Variants in TRMT11 observed in about 807,000 individuals in gnomAD.
The protein encoded by TRMT11 is tRNA (guanine(10)-N(2))-methyltransferase TRMT11.
A neutral mutation model predicts 62.8 loss-of-function variants in TRMT11; 53 were observed. The ratio of observed to expected loss-of-function variants is 0.84; its 90% CI spans 0.68 to 1.06. TRMT11 has a LOEUF of 1.06. TRMT11 is among the 50% of genes least tolerant of loss of function. TRMT11 has a pLI of 0.00. For synonymous variants in TRMT11, 188 were observed against 190.3 expected, an observed-to-expected ratio of 0.99 and a Z score of 0.10; for missense variants, 556 against 553.4, an observed-to-expected ratio of 1.00 and a Z score of -0.05.
chr6:126,258,998 G>A, the TRMT11 span, among the ~76,000 whole-genome samples: 1 of 151,782 alleles, frequency 6.6e-6, no homozygotes, highest in Non-Finnish European at 1.5e-5. Context: ...TCCATATGAC[G>A]TGATGTGTGT....
chr6:126,121,664 T>C (rs1777650602), intron 21 of TRMT11, among the ~76,000 whole-genome samples: 1 of 152,118 alleles, frequency 6.6e-6, no homozygotes, highest in African/African-American at 2.4e-5. Context: ...AAATGATGTA[T>C]GAAAGCACTT....
chr6:126,210,168 C>A, the TRMT11 span, among the ~76,000 whole-genome samples: 1 of 152,138 alleles, frequency 6.6e-6, no homozygotes, highest in Non-Finnish European at 1.5e-5. Flanking sequence ...GCTGGTTGAG[C>A]CTGACCAGAT....
chr6:126,182,988 G>A (rs1778484307), intron 1 of TRMT11, among the ~76,000 whole-genome samples: 1 of 152,060 alleles, frequency 6.6e-6, no homozygotes, highest in South Asian at 2.1e-4. Flanking sequence ...GCCCCCTACA[G>A]GGAGGTGAGG....
the TRMT11 span, among the ~76,000 whole-genome samples, chr6:126,231,959 A>C: frequency 6.6e-6 from 1 of 152,296 alleles, no homozygotes; most frequent in African/African-American, 2.4e-5. Flanking sequence ...TGTTTGTAAT[A>C]GAATTGGCAA....
intron 12 of TRMT11, among the ~76,000 whole-genome samples, chr6:126,034,700 T>C (rs1774847870): frequency 6.6e-6 from 1 of 152,074 alleles, no homozygotes; most frequent in African/African-American, 2.4e-5. Flanking sequence ...AGAACTCGGG[T>C]TTTATGATAC....
intron 21 of TRMT11, among the ~76,000 whole-genome samples, chr6:126,117,830 C>T (rs762562383): frequency 6.6e-6 from 1 of 152,072 alleles, no homozygotes; most frequent in Non-Finnish European, 1.5e-5. Flanking sequence ...CTAGTCAAAG[C>T]TCTACCACTT....
chr6:126,202,266 G>T (rs991616583), downstream of TRMT11: 13 of 152,164 alleles, frequency 8.5e-5, no homozygotes, highest in African/African-American at 3.1e-4. Flanking sequence ...TTAACATATT[G>T]TTGCCAACAT....
chr6:126,235,405 T>C, the TRMT11 span, among the ~76,000 whole-genome samples: 11 of 152,206 alleles, frequency 7.2e-5, no homozygotes, highest in Admixed American at 7.2e-4. Context: ...CATGTACGCA[T>C]ATGTTCACTG....
At chr6:126,117,829 G>C (rs1777607605) in intron 21 of TRMT11, among the ~76,000 whole-genome samples, 2 of 152,068 alleles carry the variant, frequency 1.3e-5, no homozygotes, top group African/African-American at 2.4e-5. Context: ...TCTAGTCAAA[G>C]CTCTACCACT....
chr6:126,231,234 A>AC, the TRMT11 span, among the ~76,000 whole-genome samples: 9 of 151,942 alleles, frequency 5.9e-5, no homozygotes, highest in Non-Finnish European at 1.0e-4. Context: ...TTTTAATAGG[A>AC]CCCCCCAAAA....
At chr6:126,119,042 G>A (rs537427528) in intron 21 of TRMT11, among the ~76,000 whole-genome samples, 2 of 152,036 alleles carry the variant, frequency 1.3e-5, no homozygotes, top group African/African-American at 2.4e-5. Context: ...TTTCCATAGA[G>A]ATCTGGATCC....
At chr6:126,164,063 G>A (rs923258479) in intron 21 of TRMT11, among the ~76,000 whole-genome samples, 13 of 152,162 alleles carry the variant, frequency 8.5e-5, no homozygotes, top group African/African-American at 2.7e-4. Flanking sequence ...TAATTGTGAT[G>A]TTAGGGTGTT....
the TRMT11 span, among the ~76,000 whole-genome samples, chr6:126,249,385 C>T: frequency 1.3e-5 from 2 of 151,970 alleles, no homozygotes; most frequent in South Asian, 4.2e-4. Context: ...AAGGAAACCA[C>T]CTCCACTCAG....
At chr6:126,071,636 A>T (rs894675826) in intron 17 of TRMT11, among the ~76,000 whole-genome samples, 9 of 151,388 alleles carry the variant, frequency 5.9e-5, no homozygotes, top group Non-Finnish European at 1.0e-4. Context: ...TCAGCGAGAG[A>T]GTAAATGGGT....
intron 7 of TRMT11, among the ~76,000 whole-genome samples, chr6:126,003,947 T>A (rs1424350936): frequency 6.6e-6 from 1 of 152,082 alleles, no homozygotes; most frequent in Non-Finnish European, 1.5e-5. Context: ...TAGTTTTACA[T>A]TTTTTCTTTT....
intron 17 of TRMT11, among the ~76,000 whole-genome samples, chr6:126,099,270 A>G (rs1777371722): frequency 6.6e-6 from 1 of 152,224 alleles, no homozygotes; most frequent in Non-Finnish European, 1.5e-5. Flanking sequence ...TTAATACCGC[A>G]CATCTTTGCT....
chr6:126,029,053 A>G (rs1429587503), intron 12 of TRMT11, among the ~76,000 whole-genome samples: 1 of 152,194 alleles, frequency 6.6e-6, no homozygotes, highest in Non-Finnish European at 1.5e-5. Context: ...TGGAATCAAC[A>G]TAATCCTTTA....
In TRMT11 at chr6:126,056,442, A is replaced by G. The variant is rs537154920; in HGVS notation, c.*1437+3252A>G. ...GTAGATTTATTTTCTGCCAGTTTTC[A>G]GATCCTCTCTTGAATTCTGCCATCA... On this transcript the variant is annotated intron_variant and NMD_transcript_variant, in intron 17 of 22. Transcript: ENST00000648977. Among the ~76,000 whole-genome samples the G allele has an allele frequency of 1.3e-4, 20 of 152,290 alleles. No homozygotes were observed. In the South Asian group the frequency reaches 3.9e-3, roughly 30 times the overall value.
chr6:126,129,147 C>T (rs1460536231), intron 21 of TRMT11, among the ~76,000 whole-genome samples: 1 of 152,060 alleles, frequency 6.6e-6, no homozygotes, highest in Non-Finnish European at 1.5e-5. Flanking sequence ...CCCCTGCCAA[C>T]TCTCATATCT....
Sources: allele counts gnomAD v4.1 joint callset (sites outside exome capture counted in the v4.1 genomes callset), GRCh38; gene constraint gnomAD v4.1.1; transcripts MANE v1.5; gene names NCBI Gene and HGNC (gene_info 2026-07-23, HGNC 2026-07-21).